COA1: variants seen among roughly 807,000 people sequenced by gnomAD.
The protein encoded by COA1 is cytochrome c oxidase assembly factor 1.
A neutral mutation model predicts 16.0 loss-of-function variants in COA1; 13 were observed. The observed-to-expected ratio is 0.81, with a 90% confidence interval of 0.53 to 1.29. The LOEUF is 1.29. Among genes scored for constraint, COA1 ranks in the 50% most tolerant of loss-of-function variants. COA1 has a pLI of 0.00. For synonymous variants in COA1, 65 were observed against 65.7 expected (o/e 0.99, Z 0.05); for missense variants, 179 against 177.0 (o/e 1.01, Z -0.06).
At chr7:43,635,865 G>C (rs2085783267), downstream of COA1, among the ~76,000 whole-genome samples, 1 of 111,702 alleles carries the variant, frequency 9.0e-6, no homozygotes, top group Non-Finnish European at 2.4e-5. Flanking sequence ...CAAGTTAAAA[G>C]ATAAGTGTTA....
intron 1 of COA1, among the ~76,000 whole-genome samples, chr7:43,700,919 T>C (rs569946323): frequency 2.0e-5 from 3 of 151,994 alleles, no homozygotes; most frequent in African/African-American, 7.3e-5. Flanking sequence ...TTGCCAACAG[T>C]AGTAATAAGC....
Position 43,645,307 on chromosome 7 carries a change from T to C in COA1, c.208A>G (p.Ile70Val). Residue 70 changes from isoleucine to valine, a missense_variant, in exon 4 of 6, where the codon ATC (isoleucine) becomes GTC (valine). Transcript: ENST00000223336. ...CTGTCGATGAGCTTGAGATAATGGA[T>C]GTTGAGAGGAGGGCCCAGAGCTTCC... ...AQEALGPPLN[I>V]HYLKLIDREN... is the part of the protein sequence containing the mutation. The C allele has an allele frequency of 6.2e-7, 1 of 1,614,088 alleles. No homozygotes were observed. Among genetic ancestry groups the C allele is most frequent in the African/African-American group, 1.3e-5 (1 of 75,024 alleles).
At chr7:43,693,345 C>T (rs1255386954) in intron 1 of COA1, among the ~76,000 whole-genome samples, 4 of 152,176 alleles carry the variant, frequency 2.6e-5, no homozygotes, top group African/African-American at 7.2e-5. Context: ...CTGGCTATGA[C>T]ACTCTCTCCA....
chr7:43,725,951 G>A (rs1442045862), intron 1 of COA1, among the ~76,000 whole-genome samples: 2 of 151,104 alleles, frequency 1.3e-5, no homozygotes, highest in Non-Finnish European at 2.9e-5. Flanking sequence ...ATGTTAATAG[G>A]ATTTTATAAA....
intron 1 of COA1, among the ~76,000 whole-genome samples, chr7:43,718,318 C>T (rs748892704): frequency 2.0e-5 from 3 of 152,188 alleles, no homozygotes; most frequent in Non-Finnish European, 4.4e-5. Context: ...CTCCTAGATG[C>T]TCTTGTCTCA....
chr7:43,716,965 C>T (rs2095408500), intron 1 of COA1, among the ~76,000 whole-genome samples: 1 of 152,102 alleles, frequency 6.6e-6, no homozygotes, highest in African/African-American at 2.4e-5. Context: ...AGTCTACAGG[C>T]ACACAGAAGC....
chr7:43,715,741 A>C (rs2095378673), intron 1 of COA1, among the ~76,000 whole-genome samples: 2 of 152,202 alleles, frequency 1.3e-5, no homozygotes, highest in African/African-American at 4.8e-5. Context: ...CACGGGTAGT[A>C]TTTAGAGACA....
intron 4 of COA1, among the ~76,000 whole-genome samples, chr7:43,644,762 G>GGATAGATAGATAGATAGA (rs1563228848): frequency 1.2e-5 from 1 of 80,042 alleles, no homozygotes; most frequent in Non-Finnish European, 2.9e-5. Context: ...AGATAGATAG[G>GGATAGATAGATAGATAGA]CAGGCAGGCA....
intron 1 of COA1, among the ~76,000 whole-genome samples, chr7:43,672,120 T>C (rs1428814862): frequency 3.9e-5 from 6 of 152,032 alleles, no homozygotes; most frequent in African/African-American, 1.4e-4. Flanking sequence ...TATGGAACAA[T>C]ACTACCGAAA....
At chr7:43,708,509 C>A (rs540056718) in intron 1 of COA1, among the ~76,000 whole-genome samples, 1 of 151,972 alleles carries the variant, frequency 6.6e-6, no homozygotes, top group Non-Finnish European at 1.5e-5. Context: ...CCCACAATCC[C>A]TCTGCATTAT....
chr7:43,682,096 G>A (rs1281608257), intron 1 of COA1, among the ~76,000 whole-genome samples: 2 of 152,138 alleles, frequency 1.3e-5, no homozygotes, highest in Admixed American at 6.5e-5. Flanking sequence ...TAATATGAAC[G>A]AAATAGTGCA....
At chr7:43,661,712 T>G (rs940653741) in intron 1 of COA1, among the ~76,000 whole-genome samples, 3 of 151,914 alleles carry the variant, frequency 2.0e-5, no homozygotes, top group Non-Finnish European at 4.4e-5. Flanking sequence ...TCTATCTAAC[T>G]TCAATCACTC....
chr7:43,645,217 C>A, intron 4 of COA1, 34 bp downstream of exon 4: 2 of 1,608,762 alleles, frequency 1.2e-6, no homozygotes, highest in South Asian at 1.1e-5. Flanking sequence ...CTTCAGCAGG[C>A]ACCAGCCTGC....
chr7:43,630,523 C>CCTCTT (rs1055484935), intron 6 of COA1, among the ~76,000 whole-genome samples: 4 of 152,128 alleles, frequency 2.6e-5, no homozygotes, highest in African/African-American at 9.7e-5. Context: ...TATGTTTAAT[C>CCTCTT]CTCAGCTGCA....
At chr7:43,701,768 A>G (rs552226625) in intron 1 of COA1, among the ~76,000 whole-genome samples, 5 of 152,168 alleles carry the variant, frequency 3.3e-5, no homozygotes, top group Admixed American at 3.3e-4. Context: ...TGAGTTGTTA[A>G]TAGCCACTCT....
intron 1 of COA1, among the ~76,000 whole-genome samples, chr7:43,651,833 C>CA (rs1016783253): frequency 7.2e-5 from 11 of 151,798 alleles, no homozygotes; most frequent in Non-Finnish European, 1.5e-4. Context: ...CGAAACTCTA[C>CA]AAAAAATACA....
chr7:43,668,568 T>C (rs969015333), intron 1 of COA1, among the ~76,000 whole-genome samples: 4 of 152,244 alleles, frequency 2.6e-5, no homozygotes, highest in African/African-American at 4.8e-5. Context: ...CCTAGTCTAA[T>C]TGTTTTTAAG....
intron 1 of COA1, among the ~76,000 whole-genome samples, chr7:43,683,381 G>A (rs1254802653): frequency 2.6e-5 from 4 of 151,878 alleles, no homozygotes; most frequent in South Asian, 2.1e-4. Context: ...GCCTGTAATC[G>A]CAGCACTTTG....
rs1196761648 is a variant in COA1 at position 43,639,600 on chromosome 7, A to T, written c.423T>A (p.Asp141Glu). The change falls in exon 6 of 6, where the codon GAT (aspartate) becomes GAA (glutamate). Residue 141 changes from aspartate (D) to glutamate (E), a missense_variant. By Grantham distance (45) the Asp-to-Glu change is conservative. Coordinates refer to ENST00000223336, the MANE Select transcript of COA1 (RefSeq NM_018224.4). The part of the protein sequence containing the change: ...PVFKLSGENG[D>E]EVKKE ...GTCGTCTCTACTCCTTTTTCACTTC[A>T]TCACCGTTTTCCCCACTGAGCTTGA... is the stretch of plus-strand genomic sequence containing the variant. 1.2e-6 allele frequency: 2 copies of T among 1,613,686 alleles called. No homozygotes were observed. The highest frequency in any genetic ancestry group is 2.7e-5 in the African/African-American group (2 of 74,868).
Sources: gnomAD v4.1 joint callset for allele counts (sites outside exome capture counted in the v4.1 genomes callset) on GRCh38, gnomAD v4.1.1 for gene constraint, MANE v1.5 for transcripts, NCBI Gene and HGNC (gene_info 2026-07-23, HGNC 2026-07-21) for gene names.